The following PAK5 variants were observed in gnomAD, a reference collection of about 807,000 sequenced individuals.
The protein encoded by PAK5 is serine/threonine-protein kinase PAK 5.
PAK5 carries 16 observed loss-of-function variants against 65.9 expected under a neutral mutation model. The observed-to-expected ratio is 0.24, with a 90% CI of 0.16 to 0.37. The LOEUF (loss-of-function observed/expected upper bound fraction) is 0.37, where lower values mean the gene tolerates loss of function less well. PAK5 is among the 10% of genes least tolerant of loss of function. The probability of loss-of-function intolerance (pLI) is 1.00; values close to 1 mark genes in which losing one functional copy is unlikely to be tolerated. For synonymous variants in PAK5, 371 were observed against 354.9 expected (o/e 1.05, Z -0.51); for missense variants, 785 against 903.9 (o/e 0.87, Z 1.69).
At chr20:9,582,153 T>C (rs6056716) in intron 3 of PAK5, among the ~76,000 whole-genome samples, 1 of 152,188 alleles carries the variant, frequency 6.6e-6, no homozygotes, top group Non-Finnish European at 1.5e-5. Flanking sequence ...CTCATCCAGT[T>C]TCCCCTTGAG....
chr20:9,749,980 A>C (rs1263545651), intron 1 of PAK5, among the ~76,000 whole-genome samples: 2 of 152,198 alleles, frequency 1.3e-5, no homozygotes, highest in Non-Finnish European at 2.9e-5. Context: ...TTTCATTAAG[A>C]CAAATTATCC....
intron 3 of PAK5, among the ~76,000 whole-genome samples, chr20:9,642,902 C>T (rs1374611527): frequency 1.3e-5 from 2 of 152,094 alleles, no homozygotes; most frequent in Admixed American, 6.5e-5. Flanking sequence ...AATTATAAGA[C>T]TCTGTATTGA....
At chr20:9,826,304 C>T (rs1181483823) in intron 1 of PAK5, among the ~76,000 whole-genome samples, 1 of 151,988 alleles carries the variant, frequency 6.6e-6, no homozygotes, top group African/African-American at 2.4e-5. Flanking sequence ...TATTTAGTAC[C>T]TAATAGAATT....
chr20:9,632,810 T>C (rs962017189), intron 3 of PAK5, among the ~76,000 whole-genome samples: 2 of 152,354 alleles, frequency 1.3e-5, no homozygotes, highest in Non-Finnish European at 1.5e-5. Context: ...GCATCGTTTA[T>C]GCACATAACA....
At chr20:9,802,017 A>G (rs2049174614) in intron 1 of PAK5, among the ~76,000 whole-genome samples, 1 of 152,148 alleles carries the variant, frequency 6.6e-6, no homozygotes, top group South Asian at 2.1e-4. Context: ...GATCACAAAG[A>G]ACCATCTTCT....
chr20:9,616,503 G>T (rs555880601), intron 3 of PAK5, among the ~76,000 whole-genome samples: 4 of 152,322 alleles, frequency 2.6e-5, no homozygotes, highest in Admixed American at 1.3e-4. Flanking sequence ...CTATGGTAGG[G>T]TTTCTCAAAC....
At chr20:9,780,843 A>T (rs2048933621) in intron 1 of PAK5, among the ~76,000 whole-genome samples, 1 of 152,074 alleles carries the variant, frequency 6.6e-6, no homozygotes, top group South Asian at 2.1e-4. Flanking sequence ...TAAACTTCAA[A>T]ATTTATAATT....
At chr20:9,611,742 G>A (rs577847601) in intron 3 of PAK5, among the ~76,000 whole-genome samples, 22 of 152,256 alleles carry the variant, frequency 1.4e-4, no homozygotes, top group African/African-American at 5.3e-4. Flanking sequence ...AGTGGAAAAA[G>A]TTTTTCCCTC....
At chr20:9,801,412 A>G (rs2049167542) in intron 1 of PAK5, among the ~76,000 whole-genome samples, 2 of 151,470 alleles carry the variant, frequency 1.3e-5, no homozygotes, top group South Asian at 4.2e-4. Flanking sequence ...ACTATCTAAG[A>G]AGTTTGTCTA....
chr20:9,818,128 C>T (rs2049379169), intron 1 of PAK5, among the ~76,000 whole-genome samples: 1 of 152,322 alleles, frequency 6.6e-6, no homozygotes, highest in South Asian at 2.1e-4. Flanking sequence ...AAATACCCTG[C>T]TAAGTCAGTT....
chr20:9,718,506 T>C (rs1006725088), intron 1 of PAK5, among the ~76,000 whole-genome samples: 3 of 151,938 alleles, frequency 2.0e-5, no homozygotes, highest in Admixed American at 2.0e-4. Flanking sequence ...CCTCCCTTTA[T>C]GGAGAATGGG....
At chr20:9,713,977 C>G (rs912251854) in intron 1 of PAK5, among the ~76,000 whole-genome samples, 4 of 152,034 alleles carry the variant, frequency 2.6e-5, no homozygotes, top group African/African-American at 9.7e-5. Context: ...CCGTAATTTA[C>G]TGTATATTTC....
chr20:9,689,627 C>A (rs1245390996), intron 2 of PAK5, among the ~76,000 whole-genome samples: 1 of 152,126 alleles, frequency 6.6e-6, no homozygotes. Context: ...TGCAAATTGG[C>A]TTGGAGGAAG....
At chr20:9,765,157 C>G (rs2048743120) in intron 1 of PAK5, among the ~76,000 whole-genome samples, 1 of 152,162 alleles carries the variant, frequency 6.6e-6, no homozygotes, top group Non-Finnish European at 1.5e-5. Flanking sequence ...AGAATAGCTG[C>G]ACTGGAGAGT....
intron 1 of PAK5, among the ~76,000 whole-genome samples, chr20:9,813,156 T>C (rs956845424): frequency 2.6e-5 from 4 of 152,110 alleles, no homozygotes; most frequent in Admixed American, 6.6e-5. Context: ...ATTTCACGTA[T>C]ATAAAAAATT....
At chr20:9,692,834 A>C (rs1022890829) in intron 2 of PAK5, among the ~76,000 whole-genome samples, 3 of 152,310 alleles carry the variant, frequency 2.0e-5, no homozygotes, top group Non-Finnish European at 2.9e-5. Context: ...AGCCTGATGG[A>C]CAAATCCTGG....
chr20:9,613,610 G>A (rs1015497468), intron 3 of PAK5, among the ~76,000 whole-genome samples: 2 of 152,242 alleles, frequency 1.3e-5, no homozygotes, highest in African/African-American at 4.8e-5. Flanking sequence ...ATATGCCATA[G>A]CATTTAGTTC....
chr20:9,728,741 T>C (rs551828140), intron 1 of PAK5, among the ~76,000 whole-genome samples: 92 of 145,908 alleles, frequency 6.3e-4, no homozygotes, highest in African/African-American at 2.3e-3. Context: ...CTACAGCCCA[T>C]GGCCAAATCC....
At chr20:9,791,460 A>C (rs773092497) in intron 1 of PAK5, among the ~76,000 whole-genome samples, 8 of 152,034 alleles carry the variant, frequency 5.3e-5, no homozygotes, top group Non-Finnish European at 1.0e-4. Context: ...GCCGTGTGCC[A>C]CATCCACCCC....
Sources: gnomAD v4.1 joint callset for allele counts (sites outside exome capture counted in the v4.1 genomes callset) on GRCh38, gnomAD v4.1.1 for gene constraint, MANE v1.5 for transcripts, NCBI Gene and HGNC (gene_info 2026-07-23, HGNC 2026-07-21) for gene names.